RHOBTB1: variants seen among roughly 807,000 people sequenced by gnomAD.
RHOBTB1 encodes the protein rho-related BTB domain-containing protein 1.
In RHOBTB1, 40 loss-of-function variants were observed where a neutral mutation model predicts 71.6. That is an observed-to-expected ratio of 0.56 (90% CI 0.43 to 0.73). The LOEUF (loss-of-function observed/expected upper bound fraction) is 0.73, where lower values mean the gene tolerates loss of function less well. RHOBTB1 is among the 30% of genes least tolerant of loss of function. The pLI, the probability that RHOBTB1 is intolerant of heterozygous loss-of-function variation, is 0.00. For missense variants in RHOBTB1, 797 were observed against 894.0 expected (o/e 0.89, Z 1.38); for synonymous variants, 319 against 334.9 (o/e 0.95, Z 0.52).
At chr10:60,893,246 A>T (rs2082009179) in intron 4 of RHOBTB1, among the ~76,000 whole-genome samples, 1 of 152,182 alleles carries the variant, frequency 6.6e-6, no homozygotes, top group Non-Finnish European at 1.5e-5. Flanking sequence ...GACGTTTCCG[A>T]TGAAGTTATT....
chr10:60,951,905 AAAAT>A (rs200718459), intron 2 of RHOBTB1, among the ~76,000 whole-genome samples: 17,938 of 152,100 alleles, frequency 0.12, 1,357 homozygotes, highest in East Asian at 0.33. Flanking sequence ...AAAAATACAA[AAAAT>A]TAGCCGGGCA....
chr10:60,902,056 C>T (rs1283781189), intron 4 of RHOBTB1, among the ~76,000 whole-genome samples: 2 of 152,216 alleles, frequency 1.3e-5, no homozygotes, highest in East Asian at 3.9e-4. Flanking sequence ...AGGACAATTT[C>T]ATCCTGGGGA....
chr10:60,961,548 C>G (rs2085777830), intron 2 of RHOBTB1, among the ~76,000 whole-genome samples: 1 of 152,062 alleles, frequency 6.6e-6, no homozygotes, highest in Non-Finnish European at 1.5e-5. Flanking sequence ...TCACATGGAT[C>G]TAGATTCAGA....
intron 2 of RHOBTB1, among the ~76,000 whole-genome samples, chr10:60,960,857 A>G (rs895830554): frequency 2.0e-5 from 3 of 152,106 alleles, no homozygotes; most frequent in Non-Finnish European, 4.4e-5. Context: ...CCACTTCAGG[A>G]AGATTTTTTT....
chr10:60,934,436 C>T (rs1440248684), intron 2 of RHOBTB1, among the ~76,000 whole-genome samples: 1 of 152,160 alleles, frequency 6.6e-6, no homozygotes, highest in Non-Finnish European at 1.5e-5. Context: ...AAGGATACAC[C>T]TGTTGAATGC....
intron 2 of RHOBTB1, among the ~76,000 whole-genome samples, chr10:60,957,517 G>C (rs1198573562): frequency 6.6e-6 from 1 of 152,136 alleles, no homozygotes; most frequent in Non-Finnish European, 1.5e-5. Flanking sequence ...ATGGTTCCCA[G>C]ATTGGTGCAG....
chr10:60,993,857 T>C (rs2086952369), intron 1 of RHOBTB1, among the ~76,000 whole-genome samples: 1 of 152,106 alleles, frequency 6.6e-6, no homozygotes, highest in Admixed American at 6.6e-5. Context: ...CATTAAAATT[T>C]ATAATTCTTT....
At chr10:60,918,402 G>A (rs1025628339) in intron 2 of RHOBTB1, among the ~76,000 whole-genome samples, 6 of 152,156 alleles carry the variant, frequency 3.9e-5, no homozygotes, top group South Asian at 2.1e-4. Context: ...AGACTCCCAG[G>A]AAGTTCTGCG....
At chr10:60,862,034 A>T in the RHOBTB1 span, among the ~76,000 whole-genome samples, 1 of 151,984 alleles carries the variant, frequency 6.6e-6, no homozygotes, top group Admixed American at 6.6e-5. Flanking sequence ...CGGGTTCTAC[A>T]TGGGCTCTAA....
intron 2 of RHOBTB1, among the ~76,000 whole-genome samples, chr10:60,978,920 T>G (rs1410043783): frequency 4.6e-5 from 7 of 152,132 alleles, no homozygotes; most frequent in Admixed American, 4.6e-4. Flanking sequence ...TAGAAATACC[T>G]CCTCTTCTTC....
upstream of RHOBTB1, among the ~76,000 whole-genome samples, chr10:60,947,452 C>A (rs1466358705): frequency 6.6e-6 from 1 of 152,116 alleles, no homozygotes; most frequent in Non-Finnish European, 1.5e-5. Flanking sequence ...ACAAAAGAAT[C>A]CTCTCATACT....
At chr10:60,896,822 TG>T (rs1314473201) in intron 4 of RHOBTB1, among the ~76,000 whole-genome samples, 1 of 152,144 alleles carries the variant, frequency 6.6e-6, no homozygotes, top group Admixed American at 6.5e-5. Flanking sequence ...AAAAACAATC[TG>T]AAATAAATCG....
intron 2 of RHOBTB1, among the ~76,000 whole-genome samples, chr10:60,927,003 G>A (rs2083921839): frequency 6.6e-6 from 1 of 152,078 alleles, no homozygotes; most frequent in Admixed American, 6.5e-5. Context: ...AAAACTATCA[G>A]AACTGATAAA....
At chr10:60,954,306 A>T (rs1165117412) in intron 2 of RHOBTB1, among the ~76,000 whole-genome samples, 1 of 152,242 alleles carries the variant, frequency 6.6e-6, no homozygotes, top group South Asian at 2.1e-4. Flanking sequence ...CCAGAGTACC[A>T]GGGTTATTAC....
At chr10:60,998,163 ACTCAGAT>A (rs2135047319) in intron 1 of RHOBTB1, among the ~76,000 whole-genome samples, 1 of 152,198 alleles carries the variant, frequency 6.6e-6, no homozygotes, top group African/African-American at 2.4e-5. Flanking sequence ...CCATTATGGT[ACTCAGAT>A]CTCCATTCAT....
At chr10:60,915,743 C>G (rs1417164606) in intron 2 of RHOBTB1, among the ~76,000 whole-genome samples, 1 of 152,192 alleles carries the variant, frequency 6.6e-6, no homozygotes, top group Non-Finnish European at 1.5e-5. Context: ...ATCACCCCAT[C>G]TGGTCTGATC....
chr10:60,885,202 A>G (rs983039242), intron 7 of RHOBTB1, among the ~76,000 whole-genome samples: 1 of 152,234 alleles, frequency 6.6e-6, no homozygotes, highest in South Asian at 2.1e-4. Flanking sequence ...AGAAATGGTA[A>G]ACATCTGAGG....
At chr10:60,967,560 T>A (rs1415021007) in intron 2 of RHOBTB1, among the ~76,000 whole-genome samples, 2 of 152,020 alleles carry the variant, frequency 1.3e-5, no homozygotes, top group South Asian at 2.1e-4. Flanking sequence ...AGAACAGAGC[T>A]GTAAGATTTT....
At chr10:60,863,331 T>A in the RHOBTB1 span, among the ~76,000 whole-genome samples, 2 of 152,224 alleles carry the variant, frequency 1.3e-5, no homozygotes, top group Non-Finnish European at 2.9e-5. Context: ...AATGAATTTA[T>A]TTTTTGATCT....
Sources: gnomAD v4.1 joint callset for allele counts (sites outside exome capture counted in the v4.1 genomes callset) on GRCh38, gnomAD v4.1.1 for gene constraint, MANE v1.5 for transcripts, NCBI Gene and HGNC (gene_info 2026-07-23, HGNC 2026-07-21) for gene names.